IFTAP: variants seen among roughly 807,000 people sequenced by gnomAD.
The protein encoded by IFTAP is intraflagellar transport associated protein.
In IFTAP, 19 loss-of-function variants were observed where a neutral mutation model predicts 19.4. That is an observed-to-expected ratio of 0.98 (90% CI 0.68 to 1.44). The LOEUF is 1.44. Ranked by LOEUF, IFTAP falls within the 40% of genes most tolerant of loss-of-function variation. IFTAP has a pLI of 0.00. For synonymous variants in IFTAP, 85 were observed against 83.5 expected (o/e 1.02, Z -0.10); for missense variants, 240 against 253.6 (o/e 0.95, Z 0.36).
intron 2 of IFTAP, among the ~76,000 whole-genome samples, chr11:36,611,792 T>A (rs374146238): frequency 1.6e-4 from 25 of 152,190 alleles, no homozygotes; most frequent in African/African-American, 6.0e-4. Context: ...AACATGTAGA[T>A]CAAATTAATC....
intron 5 of IFTAP, chr11:36,648,432 C>T (rs9971578): frequency 0.11 from 30,279 of 263,856 alleles, 2,675 homozygotes; most frequent in African/African-American, 0.29. Flanking sequence ...ATAGAAAGGA[C>T]GGACAGTTTT....
intron 1 of IFTAP, among the ~76,000 whole-genome samples, chr11:36,599,835 G>C (rs1851437576): frequency 6.6e-6 from 1 of 152,134 alleles, no homozygotes; most frequent in African/African-American, 2.4e-5. Context: ...TAATGATTAA[G>C]ATACTTGAAA....
chr11:36,604,366 C>T (rs1851617123), intron 1 of IFTAP, among the ~76,000 whole-genome samples: 1 of 152,192 alleles, frequency 6.6e-6, no homozygotes, highest in South Asian at 2.1e-4. Flanking sequence ...TTGATAAAAG[C>T]TCATAACTTG....
At chr11:36,633,147 A>C in intron 2 of IFTAP, 137 bp from the exon 3 acceptor site, 1 of 651,046 alleles carries the variant, frequency 1.5e-6, no homozygotes. Flanking sequence ...CAGAGTGCTT[A>C]ATGCCTCAAG....
chr11:36,650,099 A>C (rs1853651428), intron 5 of IFTAP, among the ~76,000 whole-genome samples: 1 of 152,148 alleles, frequency 6.6e-6, no homozygotes, highest in African/African-American at 2.4e-5. Flanking sequence ...TTCAACCTGT[A>C]CTGTACCAAC....
chr11:36,607,671 C>CT (rs1851743298), intron 1 of IFTAP, among the ~76,000 whole-genome samples: 2 of 151,688 alleles, frequency 1.3e-5, no homozygotes, highest in African/African-American at 4.8e-5. Flanking sequence ...GTAATCCCCC[C>CT]TTTTCTTTTT....
chr11:36,641,918 T>A (rs1441094261), intron 4 of IFTAP, among the ~76,000 whole-genome samples: 1 of 152,140 alleles, frequency 6.6e-6, no homozygotes, highest in Non-Finnish European at 1.5e-5. Flanking sequence ...TAAGTCTCTT[T>A]GTAGGTCTCT....
chr11:36,659,139 C>A lies in IFTAP; in HGVS notation c.619C>A (p.Gln207Lys). ...IENIKELCKQ[Q>K]KRKDTSPDLE... ...GAACATCAAAGAGCTATGCAAGCAG[C>A]AGAAGAGAAAGGACACCAGCCCAGA... The change falls in exon 6 of 6, where the codon CAG becomes AAG. Residue 207 changes from glutamine (Q) to lysine (K), a missense_variant. Gln to Lys is a moderately conservative substitution (Grantham distance 53, BLOSUM62 1). Coordinates refer to ENST00000334307, the MANE Select transcript of IFTAP (RefSeq NM_138787.4). 1.2e-6 allele frequency: 2 copies of A among 1,605,600 alleles called. No individual in the cohort carries two copies. Among genetic ancestry groups the A allele is most frequent in the Non-Finnish European group, 8.5e-7 (1 of 1,176,248 alleles).
chr11:36,656,083 A>G (rs1198097139), intron 5 of IFTAP, among the ~76,000 whole-genome samples: 1 of 152,198 alleles, frequency 6.6e-6, no homozygotes, highest in African/African-American at 2.4e-5. Context: ...ACCTCAGGGA[A>G]GGGAGAATCT....
chr11:36,603,295 G>A (rs557941820), intron 1 of IFTAP, among the ~76,000 whole-genome samples: 39 of 152,306 alleles, frequency 2.6e-4, no homozygotes, highest in Non-Finnish European at 5.0e-4. Flanking sequence ...TAATATTATA[G>A]ATTAGTATTA....
chr11:36,653,743 A>G (rs901200881), intron 5 of IFTAP, among the ~76,000 whole-genome samples: 1 of 152,190 alleles, frequency 6.6e-6, no homozygotes, highest in East Asian at 1.9e-4. Context: ...GTCTTGGAAG[A>G]CTAAATTCAC....
intron 4 of IFTAP, among the ~76,000 whole-genome samples, chr11:36,647,682 T>C (rs980660649): frequency 6.6e-6 from 1 of 152,132 alleles, no homozygotes; most frequent in African/African-American, 2.4e-5. Context: ...GAAGCAAAAG[T>C]AACATCTTAT....
intron 4 of IFTAP, among the ~76,000 whole-genome samples, chr11:36,638,309 T>C (rs1853042201): frequency 6.6e-6 from 1 of 152,254 alleles, no homozygotes. Context: ...TTTAAAATAT[T>C]GATAAAAACA....
At chr11:36,610,268 C>T (rs1409998837) in intron 2 of IFTAP, 29 bp downstream of exon 2, 1 of 1,555,560 alleles carries the variant, frequency 6.4e-7, no homozygotes, top group Admixed American at 1.9e-5. Flanking sequence ...CTTTCTGCAG[C>T]AATGGAGATA....
At position 36,648,155 on chromosome 11, in the gene IFTAP, G is replaced by A. The variant is rs1052724340; in HGVS notation, c.498G>A (p.Glu166=). The change falls in exon 5 of 6, where the codon GAG becomes GAA. Residue 166 remains glutamate (E), a splice_region_variant and synonymous_variant. Coordinates refer to ENST00000334307, the MANE Select transcript of IFTAP (RefSeq NM_138787.4). ...SVKRMDKQTE[E]ILGDEVQLFS... is the part of the protein sequence containing the mutation. ...AAAGAATGGACAAACAGACGGAAGAGGTACTCCACAGGGAATTCAGTCATT... is the reference window on the plus strand; with the variant it reads ...AAAGAATGGACAAACAGACGGAAGAAGTACTCCACAGGGAATTCAGTCATT... 1.2e-6 allele frequency: 2 copies of A among 1,612,176 alleles called. No homozygotes were observed. Among genetic ancestry groups the A allele is most frequent in the Non-Finnish European group, 1.7e-6 (2 of 1,178,988 alleles).
At chr11:36,606,196 C>A (rs1011946379) in intron 1 of IFTAP, among the ~76,000 whole-genome samples, 1 of 152,204 alleles carries the variant, frequency 6.6e-6, no homozygotes, top group Non-Finnish European at 1.5e-5. Flanking sequence ...CAGTGGCGCA[C>A]GCCTGTAATC....
intron 4 of IFTAP, among the ~76,000 whole-genome samples, chr11:36,640,700 G>T (rs1004676969): frequency 6.6e-6 from 1 of 152,160 alleles, no homozygotes; most frequent in Non-Finnish European, 1.5e-5. Context: ...TAGAGAACTC[G>T]TATCTAGTAC....
chr11:36,658,013 CATT>C (rs150122916), intron 5 of IFTAP, among the ~76,000 whole-genome samples: 756 of 152,306 alleles, frequency 5.0e-3, no homozygotes, highest in African/African-American at 0.017. Flanking sequence ...GATAACTACT[CATT>C]ATTTTTTCTT....
intron 2 of IFTAP, among the ~76,000 whole-genome samples, chr11:36,632,898 T>A (rs1852782454): frequency 6.6e-6 from 1 of 151,180 alleles, no homozygotes; most frequent in Non-Finnish European, 1.5e-5. Flanking sequence ...ATTTTACTTT[T>A]TTCCCTCATA....
Sources: gnomAD v4.1 joint callset for allele counts (sites outside exome capture counted in the v4.1 genomes callset) on GRCh38, gnomAD v4.1.1 for gene constraint, MANE v1.5 for transcripts, NCBI Gene and HGNC (gene_info 2026-07-23, HGNC 2026-07-21) for gene names.